Variants in TBC1D26 observed in about 807,000 individuals in gnomAD.
TBC1D26 encodes the protein TBC1 domain family member 26.
In TBC1D26, 19 loss-of-function variants were observed where a neutral mutation model predicts 42.5. The observed-to-expected ratio is 0.45, with a 90% CI of 0.31 to 0.66. The LOEUF (loss-of-function observed/expected upper bound fraction) is 0.66, where lower values mean the gene tolerates loss of function less well. Ranked by LOEUF, TBC1D26 falls within the 30% of genes least tolerant of loss-of-function variation. The pLI, the probability that TBC1D26 is intolerant of heterozygous loss-of-function variation, is 0.06. For synonymous variants in TBC1D26, 97 were observed against 123.5 expected (o/e 0.79, Z 1.42); for missense variants, 228 against 332.6 (o/e 0.69, Z 2.45).
intron 4 of TBC1D26, among the ~76,000 whole-genome samples, chr17:15,736,893 A>T (rs1033296135): frequency 6.6e-6 from 1 of 152,282 alleles, no homozygotes; most frequent in African/African-American, 2.4e-5. Flanking sequence ...AGAGAGGGTC[A>T]TAGTGTCTGG....
In TBC1D26 at chr17:15,738,325, C is replaced by T. The variant is rs139352764; in HGVS notation, c.325C>T (p.Arg109Trp). 3.9e-4 allele frequency: 623 copies of T among 1,613,656 alleles called. 4 individuals are homozygous for T. In the African/African-American group the frequency reaches 7.6e-3, roughly 20 times the overall value. ...YKVIPLAVRG[R>W]AWSLLLDIDR... ...AGTCATTCCCCTGGCGGTACGGGGC[C>T]GGGCGTGGTCACTTTTGCTAGATAT... The change falls in exon 7 of 15, where the codon CGG becomes TGG. Residue 109 changes from arginine to tryptophan, a missense_variant. Physicochemically the swap from Arg to Trp is moderately radical, Grantham distance 101 (BLOSUM62 -3). Transcript: ENST00000437605.
chr17:15,737,799 G>A, intron 5 of TBC1D26, 198 bp from the exon 6 acceptor site: 1 of 828,252 alleles, frequency 1.2e-6, no homozygotes, highest in Non-Finnish European at 1.9e-6. Context: ...TTTATGGCCT[G>A]AGGATGGCAT....
At chr17:15,733,022 TG>T (rs1186047486) in intron 1 of TBC1D26, among the ~76,000 whole-genome samples, 1 of 150,966 alleles carries the variant, frequency 6.6e-6, no homozygotes, top group East Asian at 2.0e-4. Flanking sequence ...GCCTGGTCAC[TG>T]GGGGACTGGT....
At chr17:15,742,077 G>T (rs1389784772) in intron 11 of TBC1D26, 41 bp downstream of exon 11, 10 of 1,569,196 alleles carry the variant, frequency 6.4e-6, no homozygotes, top group Non-Finnish European at 8.7e-6. Flanking sequence ...AGACGCCCTG[G>T]CCCCCATAGG....
rs895626479 is a variant in TBC1D26, at chr17:15,741,489, C to G, written c.646+268C>G. 7.2e-5 allele frequency: 39 copies of G among 538,824 alleles called. No homozygotes were observed. In the Admixed American group the frequency reaches 8.9e-4, roughly 12 times the overall value. 33.4% of individuals were successfully genotyped at this position (538,824 alleles called of 1,614,324 possible). ...CTCCCCCTGGCTGCCCTCTGTCGTC[C>G]GAAGCCAGCCCCAACTTTGTGCAGG... On this transcript the variant is annotated intron_variant, in intron 10 of 14. Transcript: ENST00000437605.
At chr17:15,743,275 C>A in intron 13 of TBC1D26, 92 bp from the exon 14 acceptor site, 2 of 668,624 alleles carry the variant, frequency 3.0e-6, no homozygotes, top group Non-Finnish European at 3.7e-6. Context: ...GACCAGACAC[C>A]ACCCAGTGGG....
At chr17:15,740,180 A>G in intron 9 of TBC1D26, 32 bp downstream of exon 9, 2 of 1,614,206 alleles carry the variant, frequency 1.2e-6, no homozygotes, top group Non-Finnish European at 1.7e-6. Context: ...TATTCCTGGG[A>G]CATGTGCCCA....
chr17:15,733,905 A>G (rs1967542737), intron 1 of TBC1D26: 1 of 152,236 alleles, frequency 6.6e-6, no homozygotes, highest in Non-Finnish European at 1.5e-5. Context: ...CGACTTTTCT[A>G]AGTGAGAGAC....
intron 9 of TBC1D26, chr17:15,740,381 C>A: frequency 1.4e-6 from 2 of 1,451,272 alleles, no homozygotes; most frequent in Non-Finnish European, 1.8e-6. Flanking sequence ...CCTGGTGTTG[C>A]CCCAAAGCCT....
At chr17:15,742,681 A>G (rs1276307973) in intron 12 of TBC1D26, among the ~76,000 whole-genome samples, 1 of 152,212 alleles carries the variant, frequency 6.6e-6, no homozygotes, top group Non-Finnish European at 1.5e-5. Context: ...GCGAGGGCCC[A>G]GGGAAGCCCA....
At chr17:15,742,076 G>A in intron 11 of TBC1D26, 40 bp downstream of exon 11, 1 of 1,570,040 alleles carries the variant, frequency 6.4e-7, no homozygotes, top group South Asian at 1.1e-5. Context: ...CAGACGCCCT[G>A]GCCCCCATAG....
chr17:15,741,666 C>A (rs1967785227), intron 10 of TBC1D26: 2 of 515,176 alleles, frequency 3.9e-6, no homozygotes, highest in Non-Finnish European at 6.9e-6. Flanking sequence ...GAGATAGCCA[C>A]ATAGCCCCCA....
intron 10 of TBC1D26, chr17:15,741,465 T>A: frequency 1.7e-6 from 1 of 599,036 alleles, no homozygotes. Flanking sequence ...CATGGATACC[T>A]CCCCCTGGCT....
In TBC1D26 at chr17:15,738,349, A is replaced by T. The variant is rs374376038; in HGVS notation, c.349A>T (p.Ile117Phe). 3.1e-6 allele frequency: 5 copies of T among 1,613,674 alleles called. No homozygotes were observed. In the South Asian group the frequency reaches 5.5e-5, roughly 18 times the overall value. ...RGRAWSLLLD[I>F]DRIKSQNPGK... ...CCGGGCGTGGTCACTTTTGCTAGAT[A>T]TTGACAGAATCAAGTCCCAGAACCC... The change falls in exon 7 of 15, where the codon ATT (isoleucine) becomes TTT (phenylalanine). Residue 117 changes from isoleucine (I) to phenylalanine (F), a missense_variant. Transcript: ENST00000437605.
At chr17:15,741,642 A>G in intron 10 of TBC1D26, 1 of 468,956 alleles carries the variant, frequency 2.1e-6, no homozygotes, top group East Asian at 3.7e-5. Context: ...CCCCAGCCTG[A>G]CCCCCACATC....
chr17:15,741,132 A>G lies in TBC1D26; in HGVS notation c.557A>G (p.Tyr186Cys). The change falls in exon 10 of 15, where the codon TAC becomes TGC. Residue 186 changes from tyrosine (Y) to cysteine (C), a missense_variant. Transcript: ENST00000437605. Reference protein sequence around the residue: ...AYSAYNPEVGYHRDLSRITAI... With the variant: ...AYSAYNPEVGCHRDLSRITAI... ...CTCTGGCTCTTGCAGGAGGTGGGCTACCACAGGGACCTGAGCCGCATCACT... is the reference window on the plus strand; with the variant it reads ...CTCTGGCTCTTGCAGGAGGTGGGCTGCCACAGGGACCTGAGCCGCATCACT... 4 of 1,611,412 alleles carry G rather than the reference A, an allele frequency of 2.5e-6. No individual in the cohort carries two copies. The highest frequency in any genetic ancestry group is 3.4e-6 in the Non-Finnish European group (4 of 1,179,884).
rs1443947472 is a variant in TBC1D26, at chr17:15,744,248, T to C, written c.1063T>C (p.Leu355=). 2 of 152,230 alleles carry C rather than the reference T, an allele frequency of 1.3e-5. No homozygotes were observed. The highest frequency in any genetic ancestry group is 2.9e-5 in the Non-Finnish European group (2 of 68,066). 9.4% of individuals were successfully genotyped at this position (152,230 alleles called of 1,614,324 possible). A position where few individuals can be genotyped will look rare whatever the true frequency, so the allele number is the denominator to read the frequency against. ...GTGACTCTCCAATCACGCAGGGAGC[T>C]TGCTACAAAATGCACATTGCTATAC... The part of the protein sequence containing the change: ...KHWDLPPPGS[L]LQNAHCYTIA... The change falls in exon 15 of 15, where the codon TTG becomes CTG. Residue 355 remains leucine, a synonymous_variant. Transcript: ENST00000437605.
chr17:15,740,923 T>C, intron 9 of TBC1D26, 199 bp from the exon 10 acceptor site: 1 of 707,716 alleles, frequency 1.4e-6, no homozygotes, highest in Non-Finnish European at 2.3e-6. Flanking sequence ...CCCATGCTCC[T>C]TGTCAACTGA....
At chr17:15,741,828 G>A in intron 10 of TBC1D26, 114 bp from the exon 11 acceptor site, 1 of 944,110 alleles carries the variant, frequency 1.1e-6, no homozygotes, top group Non-Finnish European at 1.6e-6. Flanking sequence ...TCACCACATG[G>A]GAGGGAGGGA....
Sources: allele counts gnomAD v4.1 joint callset (sites outside exome capture counted in the v4.1 genomes callset), GRCh38; gene constraint gnomAD v4.1.1; transcripts MANE v1.5; gene names NCBI Gene and HGNC (gene_info 2026-07-23, HGNC 2026-07-21).